DRC11: variants seen among roughly 807,000 people sequenced by gnomAD.
DRC11 encodes IQ and AAA domain-containing protein 1.
the DRC11 span, among the ~76,000 whole-genome samples, chr2:236,346,110 T>C: frequency 1.3e-5 from 2 of 152,124 alleles, no homozygotes; most frequent in African/African-American, 4.8e-5. Context: ...CCAAGCACCA[T>C]TTGATAGGTA....
the DRC11 span, among the ~76,000 whole-genome samples, chr2:236,400,792 C>T: frequency 2.0e-5 from 3 of 152,152 alleles, no homozygotes; most frequent in African/African-American, 7.2e-5. The surrounding 1 kb of genome is among the most constrained non-coding windows in gnomAD (Gnocchi z 7.9). Flanking sequence ...AACACGGTGC[C>T]CCCACAGTCC....
the DRC11 span, among the ~76,000 whole-genome samples, chr2:236,492,045 T>G: frequency 1.3e-5 from 2 of 152,346 alleles, no homozygotes; most frequent in African/African-American, 4.8e-5. Context: ...GCTCTCTTAC[T>G]ATGTGATTCC....
the DRC11 span, among the ~76,000 whole-genome samples, chr2:236,432,374 T>C: frequency 6.6e-6 from 1 of 152,186 alleles, no homozygotes; most frequent in African/African-American, 2.4e-5. Context: ...CTGTTACTTG[T>C]ATCTTCATTT....
chr2:236,331,063 A>T, the DRC11 span, among the ~76,000 whole-genome samples: 1 of 152,222 alleles, frequency 6.6e-6, no homozygotes, highest in South Asian at 2.1e-4. This position sits in a 1 kb window ranked among gnomAD's most constrained non-coding sequence, Gnocchi z 4.8. Context: ...CCAAATATGA[A>T]GTAAAAACCC....
chr2:236,338,417 GA>G, the DRC11 span: 1 of 1,553,688 alleles, frequency 6.4e-7, no homozygotes, highest in South Asian at 1.2e-5. Flanking sequence ...TCCACATATA[GA>G]AAAAAAGAAT....
the DRC11 span, among the ~76,000 whole-genome samples, chr2:236,356,781 G>A: frequency 0.014 from 2,028 of 150,082 alleles, 30 homozygotes; most frequent in African/African-American, 0.047. Flanking sequence ...TGGTACCTGG[G>A]GGGTGGCGGG....
chr2:236,379,379 C>A, the DRC11 span, among the ~76,000 whole-genome samples: 1 of 80,424 alleles, frequency 1.2e-5, no homozygotes, highest in South Asian at 4.8e-4. Context: ...GGGGAGGGAA[C>A]CCCCAAACAG....
At chr2:236,337,390 C>T in the DRC11 span, among the ~76,000 whole-genome samples, 39 of 152,330 alleles carry the variant, frequency 2.6e-4, no homozygotes, top group African/African-American at 8.7e-4. This position sits in a 1 kb window ranked among gnomAD's most constrained non-coding sequence, Gnocchi z 4.9. Flanking sequence ...TCTTCTCTTC[C>T]TCTACCTCCA....
the DRC11 span, among the ~76,000 whole-genome samples, chr2:236,357,739 A>G: frequency 3.9e-5 from 5 of 126,846 alleles, no homozygotes; most frequent in African/African-American, 1.3e-4. Context: ...ATATACATAT[A>G]ATATGTAAAT....
At chr2:236,380,655 T>A in the DRC11 span, 1 of 1,524,996 alleles carries the variant, frequency 6.6e-7, no homozygotes, top group Non-Finnish European at 8.9e-7. This position sits in a 1 kb window ranked among gnomAD's most constrained non-coding sequence, Gnocchi z 4.9. Flanking sequence ...AAAAAGGAAA[T>A]AACCAACAAT....
chr2:236,331,573 C>G, the DRC11 span: 7 of 1,613,626 alleles, frequency 4.3e-6, no homozygotes, highest in Non-Finnish European at 5.9e-6. This position sits in a 1 kb window ranked among gnomAD's most constrained non-coding sequence, Gnocchi z 4.8. Context: ...TCCTCCATTG[C>G]GTTCAATGAT....
chr2:236,490,889 C>A, the DRC11 span, among the ~76,000 whole-genome samples: 1 of 147,532 alleles, frequency 6.8e-6, no homozygotes, highest in Non-Finnish European at 1.5e-5. This position sits in a 1 kb window ranked among gnomAD's most constrained non-coding sequence, Gnocchi z 5.5. Context: ...GTACGTATCC[C>A]AAGAAGAATA....
At chr2:236,321,993 C>CAGCT in the DRC11 span, among the ~76,000 whole-genome samples, 1 of 152,098 alleles carries the variant, frequency 6.6e-6, no homozygotes, top group Non-Finnish European at 1.5e-5. Flanking sequence ...GGTATGCCTG[C>CAGCT]AGCTGCAGGA....
the DRC11 span, among the ~76,000 whole-genome samples, chr2:236,359,732 A>T: frequency 6.6e-6 from 1 of 152,094 alleles, no homozygotes; most frequent in African/African-American, 2.4e-5. The surrounding 1 kb of genome is among the most constrained non-coding windows in gnomAD (Gnocchi z 4.3). Flanking sequence ...ATTAAAAGCA[A>T]ATACCTCTTT....
At chr2:236,476,901 C>T in the DRC11 span, among the ~76,000 whole-genome samples, 7 of 152,138 alleles carry the variant, frequency 4.6e-5, no homozygotes, top group African/African-American at 1.2e-4. This position sits in a 1 kb window ranked among gnomAD's most constrained non-coding sequence, Gnocchi z 4.7. Context: ...CTCCCTCCAC[C>T]GGCCCTCCAC....
chr2:236,434,134 T>C, the DRC11 span, among the ~76,000 whole-genome samples: 12 of 152,240 alleles, frequency 7.9e-5, no homozygotes, highest in African/African-American at 2.9e-4. This position sits in a 1 kb window ranked among gnomAD's most constrained non-coding sequence, Gnocchi z 5.5. Flanking sequence ...TAATTTAATG[T>C]GGTGCTGGTT....
chr2:236,478,810 T>C, the DRC11 span, among the ~76,000 whole-genome samples: 4 of 152,046 alleles, frequency 2.6e-5, no homozygotes, highest in South Asian at 6.2e-4. This position sits in a 1 kb window ranked among gnomAD's most constrained non-coding sequence, Gnocchi z 5.9. Flanking sequence ...CTTTTTTTTT[T>C]ACAATCCTTG....
chr2:236,482,689 T>C, the DRC11 span, among the ~76,000 whole-genome samples: 3 of 152,352 alleles, frequency 2.0e-5, no homozygotes, highest in South Asian at 6.2e-4. This position sits in a 1 kb window ranked among gnomAD's most constrained non-coding sequence, Gnocchi z 4.5. Context: ...TTTTGGCTTA[T>C]TTGGCAGCAC....
chr2:236,495,409 AAG>A, the DRC11 span, among the ~76,000 whole-genome samples: 1 of 152,200 alleles, frequency 6.6e-6, no homozygotes, highest in African/African-American at 2.4e-5. This position sits in a 1 kb window ranked among gnomAD's most constrained non-coding sequence, Gnocchi z 5.6. Flanking sequence ...AAGAGAAGCA[AAG>A]AGAGATATTG....
Sources: gnomAD v4.1 joint callset for allele counts (sites outside exome capture counted in the v4.1 genomes callset) on GRCh38, gnomAD v4.1.1 for gene constraint, Gnocchi (gnomAD v3.1) non-coding constraint, MANE v1.5 for transcripts, NCBI Gene and HGNC (gene_info 2026-07-23, HGNC 2026-07-21) for gene names.